HK1: variants seen among roughly 807,000 people sequenced by gnomAD.
HK1 encodes hexokinase-1.
Under a neutral mutation model 91.6 loss-of-function variants are expected in HK1, and 28 were observed. That is an observed-to-expected ratio of 0.31 (90% CI 0.23 to 0.42). The LOEUF is 0.42. Among genes scored for constraint, HK1 ranks in the 10% least tolerant of loss-of-function variants. The probability of loss-of-function intolerance (pLI) is 1.00; values close to 1 mark genes in which losing one functional copy is unlikely to be tolerated. For missense variants in HK1, 770 were observed against 1,219.8 expected (o/e 0.63, Z 5.49); for synonymous variants, 430 against 468.1 (o/e 0.92, Z 1.05).
chr10:69,318,791 G>A (rs1846810240), upstream of HK1: 1 of 1,362,762 alleles, frequency 7.3e-7, no homozygotes, highest in Non-Finnish European at 9.5e-7. Flanking sequence ...GAGACCGGGA[G>A]CGCGCGAGCT....
intron 2 of HK1, among the ~76,000 whole-genome samples, chr10:69,356,044 G>A (rs1008325308): frequency 6.6e-6 from 1 of 152,152 alleles, no homozygotes; most frequent in Non-Finnish European, 1.5e-5. Flanking sequence ...CGAAATACAG[G>A]TTTGAATCTT....
chr10:69,386,191 C>T, intron 12 of HK1, 132 bp from the exon 13 acceptor site: 6 of 731,052 alleles, frequency 8.2e-6, no homozygotes, highest in South Asian at 7.4e-5. Flanking sequence ...GGTTTGTCCT[C>T]AGATGTTTGA....
intron 12 of HK1, 75 bp from the exon 13 acceptor site, chr10:69,386,248 G>C (rs1381728195): frequency 2.8e-5 from 32 of 1,162,924 alleles, no homozygotes; most frequent in Non-Finnish European, 3.7e-5. Flanking sequence ...TGACTCAGGA[G>C]GGAGGGTTGG....
At position 69,270,856 on chromosome 10, in the gene HK1, T is replaced by C. The variant is rs77640565; in HGVS notation, c.-391+748T>C. Reference sequence around the variant, plus strand: ...CATTCTTCCTATTGTCCCCAGAGCCTACATACTGGCTGGCATTGAGTAGCA... The same window carrying C: ...CATTCTTCCTATTGTCCCCAGAGCCCACATACTGGCTGGCATTGAGTAGCA... On this transcript the variant is annotated intron_variant, in intron 1 of 21. Coordinates refer to the HK1 transcript ENST00000360289. 2.0e-4 allele frequency among the ~76,000 whole-genome samples: 31 copies of C among 152,354 alleles called. No individual in the cohort carries two copies. The East Asian group carries it at 6.0e-3, about 29-fold the overall frequency.
rs191996151 is a variant in HK1, at chr10:69,400,349, A to G, written c.2610-642A>G. Among the ~76,000 whole-genome samples the G allele has an allele frequency of 5.3e-3, 805 of 152,294 alleles. 29 individuals carry two copies. The highest frequency in any genetic ancestry group is 0.047 in the Admixed American group (718 of 15,304). On this transcript the variant is annotated intron_variant, in intron 17 of 17. Transcript: ENST00000359426. ...CATCTTCAGCCTGGCCCTGCCCTTC[A>G]TTTTGAGCCCAACTTACAAGCATGT...
chr10:69,332,318 G>A (rs1304515851), intron 1 of HK1, among the ~76,000 whole-genome samples: 9 of 149,258 alleles, frequency 6.0e-5, no homozygotes, highest in Non-Finnish European at 1.3e-4. Flanking sequence ...TCCAGCTTGA[G>A]CAGTATTGTG....
exon 3 of HK1, chr10:69,288,732 G>C: frequency 6.2e-7 from 1 of 1,613,600 alleles, no homozygotes; most frequent in Non-Finnish European, 8.5e-7. Context: ...GTCAGCAAGT[G>C]CCCTCCCCAC....
intron 14 of HK1, among the ~76,000 whole-genome samples, chr10:69,391,583 A>G (rs1589584168): frequency 6.6e-6 from 1 of 152,258 alleles, no homozygotes; most frequent in Non-Finnish European, 1.5e-5. Context: ...CGGAGGTTGC[A>G]GTGAGCCAAG....
At chr10:69,301,573 C>CAAAAAAAAA (rs3086649) in intron 5 of HK1, among the ~76,000 whole-genome samples, 3 of 80,766 alleles carry the variant, frequency 3.7e-5, no homozygotes, top group African/African-American at 5.1e-5. Context: ...GACTCTGTCT[C>CAAAAAAAAA]AAAAAAAAAA....
chr10:69,280,846 G>A, intron 1 of HK1, among the ~76,000 whole-genome samples: 1 of 152,168 alleles, frequency 6.6e-6, no homozygotes, highest in East Asian at 1.9e-4. Flanking sequence ...GGGTGGGAGT[G>A]GAATATGATG....
chr10:69,304,149 C>T (rs906458469), intron 5 of HK1, among the ~76,000 whole-genome samples: 1 of 152,152 alleles, frequency 6.6e-6, no homozygotes, highest in African/African-American at 2.4e-5. Flanking sequence ...AGCTGCATGA[C>T]TCCTAAACCA....
intron 7 of HK1, among the ~76,000 whole-genome samples, chr10:69,375,890 C>T (rs570691614): frequency 2.8e-4 from 42 of 152,318 alleles, no homozygotes; most frequent in Admixed American, 2.7e-3. Context: ...GGCTGCCTCT[C>T]CCCTGCAGCA....
chr10:69,304,466 C>A (rs12782422), intron 5 of HK1, among the ~76,000 whole-genome samples: 21,098 of 151,982 alleles, frequency 0.14, 1,889 homozygotes, highest in Admixed American at 0.24. Flanking sequence ...CGCCACCACA[C>A]CCAGCTAATT....
intron 17 of HK1, among the ~76,000 whole-genome samples, chr10:69,400,525 G>T (rs1840338634): frequency 6.6e-6 from 1 of 152,170 alleles, no homozygotes; most frequent in Admixed American, 6.5e-5. Flanking sequence ...CCGATCCAGT[G>T]CTTGGCTGGC....
chr10:69,363,602 C>T (rs1428264639), intron 3 of HK1, among the ~76,000 whole-genome samples: 1 of 152,200 alleles, frequency 6.6e-6, no homozygotes, highest in Non-Finnish European at 1.5e-5. Context: ...TGGTGTCAAA[C>T]TCCTGGGCTC....
rs200751311 is a variant in HK1 at position 69,395,069 on chromosome 10, G to A, written c.2339G>A (p.Gly780Asp). ...GQISETLKTR[G>D]IFETKFLSQI... ...ATCTCTGAGACGCTGAAGACCCGGG[G>A]CATCTTTGAGACCAAGTTTCTCTCT... The change falls in exon 16 of 18, where the codon GGC (glycine) becomes GAC (aspartate). Residue 780 changes from glycine (G) to aspartate (D), a missense_variant. Gly to Asp is a moderately conservative substitution (Grantham distance 94, BLOSUM62 -1). This residue lies in a region of HK1 where 25 missense variants were observed against 74.1 expected (regional missense o/e 0.34). Transcript: ENST00000359426. The A allele has an allele frequency of 6.2e-7, 1 of 1,614,052 alleles. No homozygotes were observed.
At chr10:69,297,032 G>T (rs1169533961) in intron 4 of HK1, among the ~76,000 whole-genome samples, 4 of 152,044 alleles carry the variant, frequency 2.6e-5, no homozygotes, top group African/African-American at 9.7e-5. Context: ...GGGGGTTATG[G>T]ACACTGACCA....
chr10:69,369,305 C>G lies in HK1; in HGVS notation c.660C>G (p.Asp220Glu). ...GCACCATGATGACCTGTGGCTATGA[C>G]GACCAGCACTGTGAAGTCGGCCTGA... Reference protein sequence around the residue: ...TVGTMMTCGYDDQHCEVGLII... With the variant: ...TVGTMMTCGYEDQHCEVGLII... The change falls in exon 6 of 18, where the codon GAC (aspartate) becomes GAG (glutamate). Residue 220 changes from aspartate (D) to glutamate (E), a missense_variant. Transcript: ENST00000359426. The surrounding 1 kb of genome is among the most constrained non-coding windows in gnomAD (Gnocchi z 4.4). The G allele has an allele frequency of 6.2e-7, 1 of 1,614,132 alleles. No homozygotes were observed. Among genetic ancestry groups the G allele is most frequent in the Non-Finnish European group, 8.5e-7 (1 of 1,179,956 alleles).
chr10:69,291,476 C>A (rs1489519737), intron 3 of HK1, among the ~76,000 whole-genome samples: 1 of 152,204 alleles, frequency 6.6e-6, no homozygotes, highest in Non-Finnish European at 1.5e-5. Flanking sequence ...ATGCCCACCA[C>A]TCCCAAAGGC....
Sources: allele counts gnomAD v4.1 joint callset (sites outside exome capture counted in the v4.1 genomes callset), GRCh38; gene constraint gnomAD v4.1.1; regional missense constraint gnomAD v4.1.1; non-coding constraint Gnocchi (gnomAD v3.1); transcripts MANE v1.5; gene names NCBI Gene and HGNC (gene_info 2026-07-23, HGNC 2026-07-21).